ABCG2: variants seen among roughly 807,000 people sequenced by gnomAD.
ABCG2 encodes the protein ATP binding cassette subfamily G member 2 (JR blood group).
Under a neutral mutation model 73.5 loss-of-function variants are expected in ABCG2, and 80 were observed. The ratio of observed to expected loss-of-function variants is 1.09; its 90% CI spans 0.91 to 1.31. ABCG2 has a LOEUF of 1.31. ABCG2 is among the 50% of genes most tolerant of loss of function. ABCG2 has a pLI of 0.00. For synonymous variants in ABCG2, 269 were observed against 282.4 expected (o/e 0.95, Z 0.48); for missense variants, 796 against 786.2 (o/e 1.01, Z -0.15).
chr4:88,136,821 G>T (rs1056437132), intron 2 of ABCG2, among the ~76,000 whole-genome samples: 5 of 152,026 alleles, frequency 3.3e-5, no homozygotes, highest in Non-Finnish European at 7.4e-5. Flanking sequence ...TTTGAGACCA[G>T]CCTGGCCAAT....
At chr4:88,110,896 T>G (rs947685483) in intron 9 of ABCG2, among the ~76,000 whole-genome samples, 3 of 152,204 alleles carry the variant, frequency 2.0e-5, no homozygotes, top group Non-Finnish European at 4.4e-5. Flanking sequence ...CTTGTCCTGC[T>G]AAGCAGATGC....
rs530705754 is a variant in ABCG2 at position 88,203,489 on chromosome 4, G to A, written c.-20+27505C>T. On this transcript the variant is annotated intron_variant, in intron 1 of 15. Coordinates refer to the ABCG2 transcript ENST00000515655. ...GCTTTGCCTAAGAAACTTAAACTCAGGCCAGGCGCGGTGGCTCATGCCTTT... is the reference window on the plus strand; with the variant it reads ...GCTTTGCCTAAGAAACTTAAACTCAAGCCAGGCGCGGTGGCTCATGCCTTT... 2.6e-5 allele frequency among the ~76,000 whole-genome samples: 4 copies of A among 152,222 alleles called. No individual in the cohort carries two copies. The East Asian group carries it at 7.7e-4, about 29-fold the overall frequency.
chr4:88,149,238 A>C (rs546775121), intron 1 of ABCG2, among the ~76,000 whole-genome samples: 30 of 152,278 alleles, frequency 2.0e-4, no homozygotes, highest in African/African-American at 7.0e-4. Context: ...AAATAAATAA[A>C]TAAAAGAATT....
chr4:88,107,366 G>C (rs1413491253), intron 9 of ABCG2, 100 bp from the exon 10 acceptor site: 2 of 794,040 alleles, frequency 2.5e-6, no homozygotes, highest in Non-Finnish European at 3.8e-6. Flanking sequence ...TACATAATCA[G>C]ATCTCTCCAT....
At chr4:88,160,389 C>T (rs757422168), upstream of ABCG2, among the ~76,000 whole-genome samples, 3 of 151,712 alleles carry the variant, frequency 2.0e-5, no homozygotes, top group Non-Finnish European at 4.4e-5. Context: ...TTTTATGATA[C>T]CAGAAAAAAT....
chr4:88,130,487 A>C (rs1319483177), intron 5 of ABCG2, among the ~76,000 whole-genome samples: 4 of 152,106 alleles, frequency 2.6e-5, no homozygotes, highest in African/African-American at 4.8e-5. Context: ...TGAAATAATA[A>C]TAGAAATAAA....
At chr4:88,192,453 G>A (rs1007866866) in intron 1 of ABCG2, among the ~76,000 whole-genome samples, 12 of 151,228 alleles carry the variant, frequency 7.9e-5, no homozygotes, top group Non-Finnish European at 1.5e-4. Context: ...TCGCTCCATC[G>A]CCCAGGCCCA....
chr4:88,228,665 C>T (rs1730322400), intron 1 of ABCG2, among the ~76,000 whole-genome samples: 1 of 152,200 alleles, frequency 6.6e-6, no homozygotes, highest in Admixed American at 6.5e-5. Flanking sequence ...AGCTGGACTT[C>T]CTGGGTCAAG....
intron 9 of ABCG2, among the ~76,000 whole-genome samples, chr4:88,111,243 C>A (rs956079818): frequency 2.0e-5 from 3 of 152,174 alleles, no homozygotes; most frequent in African/African-American, 4.8e-5. Flanking sequence ...AAAAGCAATT[C>A]ATTACATTAT....
chr4:88,137,100 G>A (rs193195371), intron 2 of ABCG2, among the ~76,000 whole-genome samples: 1 of 151,292 alleles, frequency 6.6e-6, no homozygotes, highest in East Asian at 2.0e-4. Flanking sequence ...GAGACGGAGA[G>A]AGGGAAGAAC....
At chr4:88,125,626 A>C (rs937546303) in intron 5 of ABCG2, among the ~76,000 whole-genome samples, 6 of 149,556 alleles carry the variant, frequency 4.0e-5, no homozygotes, top group Non-Finnish European at 7.4e-5. Flanking sequence ...AAAAAAAAAA[A>C]AAAAAAAAAA....
intron 7 of ABCG2, 23 bp downstream of exon 7, chr4:88,118,086 C>T: frequency 6.2e-7 from 1 of 1,606,260 alleles, no homozygotes; most frequent in Admixed American, 1.7e-5. Context: ...AAGCATTTTA[C>T]AGCATAAAAA....
rs566744786 is a variant in ABCG2, at chr4:88,169,718, C to T, written c.-19-29704G>A. On this transcript the variant is annotated intron_variant, in intron 1 of 15. Coordinates refer to the ABCG2 transcript ENST00000515655. Reference sequence around the variant, plus strand: ...GAAGAAAGTAAGTAAACGATGATTCCGTTTCTTCCTCAAGCAGATGTCATC... The same window carrying T: ...GAAGAAAGTAAGTAAACGATGATTCTGTTTCTTCCTCAAGCAGATGTCATC... 4.6e-5 allele frequency among the ~76,000 whole-genome samples: 7 copies of T among 152,124 alleles called. No individual in the cohort carries two copies. In the East Asian group the frequency reaches 9.7e-4, roughly 21 times the overall value.
intron 1 of ABCG2, among the ~76,000 whole-genome samples, chr4:88,188,247 T>G (rs1728545517): frequency 6.6e-6 from 1 of 152,242 alleles, no homozygotes; most frequent in Non-Finnish European, 1.5e-5. Context: ...CTTTCCCGAC[T>G]GAATTAGTCT....
At chr4:88,095,456 A>G in intron 14 of ABCG2, 64 bp downstream of exon 14, 1 of 1,406,476 alleles carries the variant, frequency 7.1e-7, no homozygotes, top group East Asian at 2.3e-5. Flanking sequence ...TGAGATGAGG[A>G]CACTTGATTT....
chr4:88,141,442 C>A (rs1419034714), intron 1 of ABCG2, among the ~76,000 whole-genome samples: 4 of 152,110 alleles, frequency 2.6e-5, no homozygotes, highest in African/African-American at 9.7e-5. Context: ...TATTTCTGAG[C>A]AGATATTTCA....
Position 88,101,118 on chromosome 4 carries a change from A to G in ABCG2, c.1367+112T>C, listed in dbSNP as rs553913257. ...ATCAATTTAAAAATAAATTTTAAAA[A>G]GTACTGGTAATCCTCCGGATCCCAT... On this transcript the variant is annotated intron_variant, in intron 11 of 15. Coordinates refer to ENST00000237612, the MANE Select transcript of ABCG2 (RefSeq NM_004827.3). 1.1e-5 allele frequency: 8 copies of G among 751,060 alleles called. No individual in the cohort carries two copies. In the African/African-American group the frequency reaches 1.1e-4, roughly 10 times the overall value. The allele number at this position is 751,060 out of a possible 1,614,324, so 46.5% of individuals were successfully genotyped here. A position where few individuals can be genotyped will look rare whatever the true frequency, so the allele number is the denominator to read the frequency against.
chr4:88,209,326 AC>A (rs1325796569), intron 1 of ABCG2, among the ~76,000 whole-genome samples: 194 of 131,614 alleles, frequency 1.5e-3, no homozygotes, highest in African/African-American at 4.9e-3. Flanking sequence ...AAAAAAAAAA[AC>A]AAAAAAGCAA....
At chr4:88,198,434 A>G (rs1729024865) in intron 1 of ABCG2, among the ~76,000 whole-genome samples, 1 of 152,134 alleles carries the variant, frequency 6.6e-6, no homozygotes, top group African/African-American at 2.4e-5. Flanking sequence ...GGAGTTCAAG[A>G]CCACCCTGCA....
Sources: gnomAD v4.1 joint callset for allele counts (sites outside exome capture counted in the v4.1 genomes callset) on GRCh38, gnomAD v4.1.1 for gene constraint, MANE v1.5 for transcripts, NCBI Gene and HGNC (gene_info 2026-07-23, HGNC 2026-07-21) for gene names.